The following RBFOX2 variants were observed in gnomAD, a reference collection of about 807,000 sequenced individuals.
RBFOX2 encodes RNA binding protein fox-1 homolog 2.
In RBFOX2, 10 loss-of-function variants were observed where a neutral mutation model predicts 49.1. The ratio of observed to expected loss-of-function variants is 0.20; its 90% CI spans 0.13 to 0.35. The LOEUF (loss-of-function observed/expected upper bound fraction) is 0.35. RBFOX2 is among the 10% of genes least tolerant of loss of function. RBFOX2 has a pLI of 1.00. For missense variants in RBFOX2, 323 were observed against 486.9 expected (o/e 0.66, Z 3.17); for synonymous variants, 183 against 187.4 (o/e 0.98, Z 0.19).
intron 2 of RBFOX2, among the ~76,000 whole-genome samples, chr22:35,788,319 G>A (rs1265821700): frequency 6.6e-6 from 1 of 152,074 alleles, no homozygotes; most frequent in Non-Finnish European, 1.5e-5. Flanking sequence ...TAGATACTAA[G>A]GAATCTCTTA....
chr22:36,000,002 T>C (rs1262228378), intron 1 of RBFOX2: 1 of 112,212 alleles, frequency 8.9e-6, no homozygotes, highest in African/African-American at 3.0e-5. Flanking sequence ...TATATATATA[T>C]ATATTTTTTT....
chr22:35,798,323 C>G (rs1038910418), intron 2 of RBFOX2, among the ~76,000 whole-genome samples: 2 of 152,212 alleles, frequency 1.3e-5, no homozygotes, highest in African/African-American at 2.4e-5. Context: ...AGGGCAGGGG[C>G]TTTATTTTAC....
intron 2 of RBFOX2, among the ~76,000 whole-genome samples, chr22:35,804,275 C>A (rs1006963163): frequency 6.6e-6 from 1 of 151,534 alleles, no homozygotes; most frequent in African/African-American, 2.4e-5. Context: ...AAGACTTCAT[C>A]TCGGGGGAAA....
At chr22:36,026,941 T>C (rs1287421885) in intron 1 of RBFOX2, among the ~76,000 whole-genome samples, 3 of 152,120 alleles carry the variant, frequency 2.0e-5, no homozygotes, top group Non-Finnish European at 4.4e-5. Flanking sequence ...GGAAGTCTTT[T>C]AGCACTGCAG....
intron 9 of RBFOX2, among the ~76,000 whole-genome samples, chr22:35,751,065 G>GCTA (rs897468319): frequency 2.0e-5 from 3 of 152,052 alleles, no homozygotes; most frequent in Non-Finnish European, 4.4e-5. Flanking sequence ...TGATCTTTCG[G>GCTA]CACAGTTCTG....
intron 1 of RBFOX2, among the ~76,000 whole-genome samples, chr22:36,009,634 C>A (rs1202017667): frequency 6.6e-6 from 1 of 152,152 alleles, no homozygotes; most frequent in African/African-American, 2.4e-5. Flanking sequence ...AGTGACCCAC[C>A]CGCCTTGGCC....
chr22:35,998,771 C>T (rs2058292726), intron 1 of RBFOX2: 1 of 152,388 alleles, frequency 6.6e-6, no homozygotes, highest in African/African-American at 2.4e-5. Flanking sequence ...AGGTGAGCCA[C>T]CCTCCAGAAG....
Position 36,022,311 on chromosome 22 carries a change from T to A in RBFOX2, c.186+5929A>T, listed in dbSNP as rs542289275. Among the ~76,000 whole-genome samples the A allele has an allele frequency of 2.0e-5, 3 of 152,312 alleles. No individual in the cohort carries two copies. In the South Asian group the frequency reaches 6.2e-4, roughly 32 times the overall value. ...TGAGGCCTGTCTGCACCAGTCTGCT[T>A]TACAGCAAAATGAAAGTTAAATTTC... On this transcript the variant is annotated intron_variant, in intron 1 of 13. Transcript: ENST00000438146.
chr22:35,857,376 A>G (rs553962681), intron 1 of RBFOX2, among the ~76,000 whole-genome samples: 1 of 152,360 alleles, frequency 6.6e-6, no homozygotes, highest in East Asian at 1.9e-4. Context: ...AGGAATAAAG[A>G]AGGTATAGAT....
chr22:35,763,413 T>C (rs1176773782), intron 6 of RBFOX2, among the ~76,000 whole-genome samples: 1 of 151,878 alleles, frequency 6.6e-6, no homozygotes, highest in Non-Finnish European at 1.5e-5. Flanking sequence ...AATACAAAAA[T>C]TAGCCGGATG....
intron 2 of RBFOX2, among the ~76,000 whole-genome samples, chr22:35,782,523 C>G (rs971795120): frequency 2.6e-5 from 4 of 152,134 alleles, no homozygotes; most frequent in Non-Finnish European, 4.4e-5. Flanking sequence ...GGGTTTCACC[C>G]TGTTAGCTAG....
intron 1 of RBFOX2, among the ~76,000 whole-genome samples, chr22:35,827,841 T>C (rs1234345123): frequency 2.0e-5 from 3 of 152,190 alleles, no homozygotes; most frequent in Admixed American, 6.5e-5. Flanking sequence ...ATGTGTTCAC[T>C]CTTCTGCTTC....
chr22:35,889,919 A>G (rs1037667611), intron 1 of RBFOX2, among the ~76,000 whole-genome samples: 1 of 152,162 alleles, frequency 6.6e-6, no homozygotes, highest in South Asian at 2.1e-4. Context: ...ACTTTCACAG[A>G]TTATCTCTAT....
intron 1 of RBFOX2, among the ~76,000 whole-genome samples, chr22:35,816,875 C>T (rs1370561347): frequency 2.0e-5 from 3 of 152,166 alleles, no homozygotes; most frequent in Admixed American, 2.0e-4. Flanking sequence ...CTCCTCACAC[C>T]TACCAACTCA....
At chr22:35,772,945 G>T (rs1943058520) in intron 4 of RBFOX2, among the ~76,000 whole-genome samples, 1 of 151,312 alleles carries the variant, frequency 6.6e-6, no homozygotes, top group South Asian at 2.1e-4. Flanking sequence ...TAACTTTTAA[G>T]GGAGAAATCA....
chr22:35,951,042 C>T (rs1442833074), intron 1 of RBFOX2, among the ~76,000 whole-genome samples: 1 of 151,146 alleles, frequency 6.6e-6, no homozygotes, highest in African/African-American at 2.4e-5. Context: ...CAAGTTCCAC[C>T]TCCCGGGTTC....
chr22:35,976,215 T>C (rs2057140970), intron 1 of RBFOX2, among the ~76,000 whole-genome samples: 2 of 152,202 alleles, frequency 1.3e-5, no homozygotes, highest in African/African-American at 4.8e-5. Context: ...TCAACACTTT[T>C]CATGTTAAAT....
At position 35,877,874 on chromosome 22, in the gene RBFOX2, A is replaced by T. The variant is rs116531069; in HGVS notation, c.-34+60973T>A. 5.4e-3 allele frequency among the ~76,000 whole-genome samples: 820 copies of T among 152,248 alleles called. 6 individuals carry two copies. The highest frequency in any genetic ancestry group is 0.019 in the African/African-American group (795 of 41,540). On this transcript the variant is annotated intron_variant, in intron 1 of 13. Coordinates refer to the RBFOX2 transcript ENST00000359369. ...TCCGTTACTGAAAAAAATCACAGGT[A>T]AAAAAACCTCTAGAATTTGACAAAT...
upstream of RBFOX2, among the ~76,000 whole-genome samples, chr22:35,964,518 C>T (rs576387832): frequency 2.0e-5 from 3 of 152,196 alleles, no homozygotes; most frequent in African/African-American, 7.2e-5. Flanking sequence ...GAATTAATTT[C>T]ATAATATTTG....
Sources: gnomAD v4.1 joint callset for allele counts (sites outside exome capture counted in the v4.1 genomes callset) on GRCh38, gnomAD v4.1.1 for gene constraint, MANE v1.5 for transcripts, NCBI Gene and HGNC (gene_info 2026-07-23, HGNC 2026-07-21) for gene names.